ADGRG6: variants seen among roughly 807,000 people sequenced by gnomAD.
ADGRG6 encodes the protein adhesion G protein-coupled receptor G6.
A neutral mutation model predicts 142.4 loss-of-function variants in ADGRG6; 84 were observed. That is an observed-to-expected ratio of 0.59 (90% CI 0.49 to 0.71). ADGRG6 has a LOEUF of 0.71. ADGRG6 is among the 30% of genes least tolerant of loss of function. The pLI is 0.00. For missense variants in ADGRG6, 1,367 were observed against 1,466.6 expected (o/e 0.93, Z 1.11); for synonymous variants, 521 against 520.5 (o/e 1.00, Z -0.01).
chr6:142,415,202 C>T (rs917202362), intron 19 of ADGRG6, 106 bp downstream of exon 19: 9 of 621,164 alleles, frequency 1.4e-5, no homozygotes, highest in Middle Eastern at 3.4e-4. Flanking sequence ...GGTGGTTGAA[C>T]GTTAATGTTC....
intron 2 of ADGRG6, among the ~76,000 whole-genome samples, chr6:142,332,435 C>T (rs951406769): frequency 5.3e-5 from 8 of 150,510 alleles, no homozygotes; most frequent in Non-Finnish European, 1.2e-4. Flanking sequence ...GGCTTGAGAC[C>T]TCAGTTGGCT....
At chr6:142,438,464 C>G in intron 24 of ADGRG6, 100 bp downstream of exon 24, 1 of 611,624 alleles carries the variant, frequency 1.6e-6, no homozygotes, top group Non-Finnish European at 2.7e-6. Flanking sequence ...TAAGAGGGTG[C>G]ATCTTTTAGA....
At chr6:142,354,378 A>G (rs1182337190) in intron 2 of ADGRG6, among the ~76,000 whole-genome samples, 1 of 152,178 alleles carries the variant, frequency 6.6e-6, no homozygotes, top group Non-Finnish European at 1.5e-5. Context: ...GCGAGTCTCT[A>G]TCTCAAAAAC....
intron 2 of ADGRG6, among the ~76,000 whole-genome samples, chr6:142,327,589 T>C (rs1410462952): frequency 6.6e-6 from 1 of 152,154 alleles, no homozygotes; most frequent in East Asian, 1.9e-4. Flanking sequence ...CCTGATGGCT[T>C]CTTACCTGTC....
chr6:142,348,587 T>G (rs1780016600), intron 2 of ADGRG6, among the ~76,000 whole-genome samples: 1 of 151,960 alleles, frequency 6.6e-6, no homozygotes, highest in Admixed American at 6.6e-5. Context: ...TCAAAAACAT[T>G]CATGGATCAT....
Position 142,381,480 on chromosome 6 carries a change from A to C in ADGRG6, c.1070-471A>C, listed in dbSNP as rs184801902. Among the ~76,000 whole-genome samples, 22 of 152,360 alleles carry C rather than the reference A, an allele frequency of 1.4e-4. 1 individual carries two copies. The East Asian group carries it at 4.2e-3, about 29-fold the overall frequency. On this transcript the variant is annotated intron_variant, in intron 4 of 24. Transcript: ENST00000367609. Reference sequence around the variant, plus strand: ...TAGTAAAAGCTTGAAATAAAAAGACACAGAGACTGAATTGAAGTCACAGAA... The same window carrying C: ...TAGTAAAAGCTTGAAATAAAAAGACCCAGAGACTGAATTGAAGTCACAGAA...
chr6:142,362,564 G>A (rs1181555400), intron 2 of ADGRG6, among the ~76,000 whole-genome samples: 3 of 152,164 alleles, frequency 2.0e-5, no homozygotes, highest in African/African-American at 7.2e-5. Context: ...TGCTTGCCAA[G>A]TCTGTCACAT....
intron 18 of ADGRG6, 26 bp from the exon 19 acceptor site, chr6:142,414,943 A>T: frequency 6.3e-7 from 1 of 1,595,298 alleles, no homozygotes; most frequent in Middle Eastern, 1.7e-4. Flanking sequence ...AGAGTTTCTT[A>T]CAGCTGCTCG....
chr6:142,323,745 T>C (rs934870693), intron 2 of ADGRG6, among the ~76,000 whole-genome samples: 1 of 152,042 alleles, frequency 6.6e-6, no homozygotes, highest in Non-Finnish European at 1.5e-5. Flanking sequence ...AATTGTAACA[T>C]AATGGTAAGT....
intron 4 of ADGRG6, among the ~76,000 whole-genome samples, chr6:142,376,912 A>T (rs1781527866): frequency 6.6e-6 from 1 of 152,238 alleles, no homozygotes; most frequent in African/African-American, 2.4e-5. Flanking sequence ...ATCATTAAGT[A>T]GGTATGAGAG....
At chr6:142,370,885 T>C (rs778846711) in intron 4 of ADGRG6, 92 bp downstream of exon 4, 1 of 1,222,848 alleles carries the variant, frequency 8.2e-7, no homozygotes. Context: ...CACACAAATG[T>C]ACCTGTATGT....
chr6:142,415,710 A>T, intron 19 of ADGRG6, 86 bp from the exon 20 acceptor site: 1 of 881,178 alleles, frequency 1.1e-6, no homozygotes, highest in Non-Finnish European at 1.8e-6. Context: ...GCAGGGTTGT[A>T]TAAGATACGA....
intron 2 of ADGRG6, among the ~76,000 whole-genome samples, chr6:142,324,833 T>C (rs1199175830): frequency 1.3e-5 from 2 of 152,118 alleles, no homozygotes; most frequent in Admixed American, 1.3e-4. Context: ...AGGTAGGGAG[T>C]ATATCTTCTT....
chr6:142,370,672 C>G lies in ADGRG6; in HGVS notation c.948C>G (p.Thr316=), dbSNP rs772651731. 1.9e-6 allele frequency: 3 copies of G among 1,613,542 alleles called. No homozygotes were observed. The highest frequency in any genetic ancestry group is 2.5e-6 in the Non-Finnish European group (3 of 1,179,702). ...DIYNFRLWNF[T]MNAKILSNLS... is the part of the protein sequence containing the mutation. ...ATAACTTTCGACTTTGGAATTTTAC[C>G]ATGAATGCCAAAATCCTCTCCAACC... is the stretch of plus-strand genomic sequence containing the variant. Residue 316 remains threonine (T), a synonymous_variant, in exon 4 of 25, where the codon ACC becomes ACG. Coordinates refer to ENST00000367609, the MANE Select transcript of ADGRG6 (RefSeq NM_198569.3).
rs144074520 is a variant in ADGRG6 at position 142,303,717 on chromosome 6, G to A, written c.2+1386G>A. 8.2e-3 allele frequency among the ~76,000 whole-genome samples: 1,245 copies of A among 152,090 alleles called. 15 individuals carry two copies. Among genetic ancestry groups the A allele is most frequent in the African/African-American group, 0.029 (1,186 of 41,478 alleles). On this transcript the variant is annotated intron_variant, in intron 1 of 24. Coordinates refer to ENST00000367609, the MANE Select transcript of ADGRG6 (RefSeq NM_198569.3). ...AAATATACTAGGGATTTTACAGCAG[G>A]TATTTGCCCAGTTTTTTTCAGCTTT...
chr6:142,394,720 T>C lies in ADGRG6; in HGVS notation c.1424+762T>C, dbSNP rs1170881573. Among the ~76,000 whole-genome samples, 4 of 151,998 alleles carry C rather than the reference T, an allele frequency of 2.6e-5. No homozygotes were observed. The East Asian group carries it at 7.7e-4, about 29-fold the overall frequency. ...CCTTAGCCTCCTGAGTAGCTGGGGCTACACACATGTGCTAGCATACCTGGC... is the reference window on the plus strand; with the variant it reads ...CCTTAGCCTCCTGAGTAGCTGGGGCCACACACATGTGCTAGCATACCTGGC... On this transcript the variant is annotated intron_variant, in intron 9 of 24. Transcript: ENST00000367609.
At chr6:142,436,721 AG>A (rs1220560585) in intron 22 of ADGRG6, among the ~76,000 whole-genome samples, 1 of 152,178 alleles carries the variant, frequency 6.6e-6, no homozygotes, top group African/African-American at 2.4e-5. Context: ...CCTCAAGGAG[AG>A]GTTTAAAATG....
chr6:142,390,303 G>T lies in ADGRG6; in HGVS notation c.1268G>T (p.Arg423Leu), dbSNP rs1271357229. The change falls in exon 7 of 25, where the codon CGT (arginine) becomes CTT (leucine). Residue 423 changes from arginine (R) to leucine (L), a missense_variant. Arg to Leu is a moderately radical substitution (Grantham distance 102). Transcript: ENST00000367609. ...RISVVIQNIL[R>L]HPEVKVQSKV... ...TCCGTAGTGATTCAGAACATCCTTC[G>T]TCACCCTGAGGTAAAAGTACAGAGC... The T allele has an allele frequency of 1.9e-6, 3 of 1,600,682 alleles. No individual in the cohort carries two copies. The highest frequency in any genetic ancestry group is 1.7e-6 in the Non-Finnish European group (2 of 1,170,588).
chr6:142,419,540 A>G (rs1299719274), intron 21 of ADGRG6, among the ~76,000 whole-genome samples: 3 of 152,178 alleles, frequency 2.0e-5, no homozygotes, highest in Non-Finnish European at 4.4e-5. Flanking sequence ...GGAACAAGTC[A>G]GCCAAGAGTG....
Sources: gnomAD v4.1 joint callset for allele counts (sites outside exome capture counted in the v4.1 genomes callset) on GRCh38, gnomAD v4.1.1 for gene constraint, MANE v1.5 for transcripts, NCBI Gene and HGNC (gene_info 2026-07-23, HGNC 2026-07-21) for gene names.